The following ACACA variants were observed in gnomAD, a reference collection of about 807,000 sequenced individuals.
ACACA encodes acetyl-CoA carboxylase 1.
Under a neutral mutation model 296.1 loss-of-function variants are expected in ACACA, and 103 were observed. The ratio of observed to expected loss-of-function variants is 0.35; its 90% CI spans 0.30 to 0.41. ACACA has a LOEUF of 0.41. ACACA is among the 10% of genes least tolerant of loss of function. The pLI is 1.00. For synonymous variants in ACACA, 953 were observed against 1,038.6 expected (o/e 0.92, Z 1.58); for missense variants, 1,554 against 2,989.7 (o/e 0.52, Z 11.20).
chr17:37,092,581 AC>A (rs1464358339), intron 54 of ACACA, among the ~76,000 whole-genome samples: 1 of 152,232 alleles, frequency 6.6e-6, no homozygotes, highest in African/African-American at 2.4e-5. Context: ...CATCTAAATG[AC>A]CTGTTTGGAA....
At chr17:37,159,179 T>TA (rs922621989) in intron 42 of ACACA, among the ~76,000 whole-genome samples, 187 of 147,064 alleles carry the variant, frequency 1.3e-3, no homozygotes, top group South Asian at 7.3e-3. Context: ...CCCTGTCTCT[T>TA]AAAAAAAAAA....
rs1167945419 is a variant in ACACA, at chr17:37,390,303, AT to A, written c.38+15958del. Among the ~76,000 whole-genome samples, 6 of 19,940 alleles carry A rather than the reference AT, an allele frequency of 3.0e-4. 1 individual carries two copies. Among genetic ancestry groups the A allele is most frequent in the Non-Finnish European group, 3.9e-4 (5 of 12,872 alleles). The allele number at this position is 19,940 out of a possible 152,430, so 13.1% of individuals were successfully genotyped here. A position where few individuals can be genotyped will look rare whatever the true frequency, so the allele number is the denominator to read the frequency against. On this transcript the variant is annotated intron_variant, in intron 1 of 55. Transcript: ENST00000616317. Reference sequence around the variant, plus strand: ...TATATATAATTATATATTATACATAATTATATATATATATATATATATATAT... The same window carrying A: ...TATATATAATTATATATTATACATAATATATATATATATATATATATATAT...
At chr17:37,199,260 A>G (rs1161180918) in intron 35 of ACACA, among the ~76,000 whole-genome samples, 1 of 151,732 alleles carries the variant, frequency 6.6e-6, no homozygotes, top group African/African-American at 2.4e-5. Flanking sequence ...AAAAGAAAGA[A>G]AAGAAAAAAA....
At chr17:37,104,944 GAAA>G (rs66518229) in intron 52 of ACACA, among the ~76,000 whole-genome samples, 45 of 56,638 alleles carry the variant, frequency 7.9e-4, no homozygotes, top group Admixed American at 4.7e-4. Context: ...GTCTCTGACC[GAAA>G]AAAAAAAAAA....
At position 37,203,387 on chromosome 17, in the gene ACACA, C is replaced by T. The variant is rs180988071; in HGVS notation, c.4056+2378G>A. ...ACATGGGCAATTAGTGCCTCAAAAC[C>T]TAGGAAGAAACTTTCACAGATTATT... On this transcript the variant is annotated intron_variant, in intron 33 of 55. Coordinates refer to ENST00000616317, the MANE Select transcript of ACACA (RefSeq NM_198834.3). Among the ~76,000 whole-genome samples, 478 of 152,148 alleles carry T rather than the reference C, an allele frequency of 3.1e-3. 7 individuals are homozygous for T. Among genetic ancestry groups the T allele is most frequent in the Non-Finnish European group, 4.1e-3 (282 of 67,966 alleles).
chr17:37,123,093 T>C (rs2074604593), intron 48 of ACACA, among the ~76,000 whole-genome samples: 1 of 152,226 alleles, frequency 6.6e-6, no homozygotes, highest in African/African-American at 2.4e-5. Flanking sequence ...TGTAGTTTTC[T>C]ATGGAATATT....
chr17:37,200,260 T>C, intron 34 of ACACA, 77 bp from the exon 35 acceptor site: 6 of 1,407,312 alleles, frequency 4.3e-6, no homozygotes, highest in Non-Finnish European at 6.0e-6. Flanking sequence ...AGAAATTGAG[T>C]AAAAGATGAT....
intron 29 of ACACA, among the ~76,000 whole-genome samples, chr17:37,212,492 T>C (rs1347926025): frequency 6.6e-6 from 1 of 152,142 alleles, no homozygotes. Flanking sequence ...AAATCAATCA[T>C]GTAAGTAGGT....
At chr17:37,355,889 C>T (rs2049118569) in intron 1 of ACACA, among the ~76,000 whole-genome samples, 1 of 151,480 alleles carries the variant, frequency 6.6e-6, no homozygotes. Context: ...AAAATGGAGG[C>T]CAGATGCGGT....
At chr17:37,268,149 A>G (rs984162761) in intron 10 of ACACA, among the ~76,000 whole-genome samples, 1 of 152,154 alleles carries the variant, frequency 6.6e-6, no homozygotes, top group Non-Finnish European at 1.5e-5. Flanking sequence ...TAATCTCATT[A>G]TATAAACCCT....
At chr17:37,090,981 T>C (rs2072587095) in intron 54 of ACACA, among the ~76,000 whole-genome samples, 2 of 152,136 alleles carry the variant, frequency 1.3e-5, no homozygotes, top group African/African-American at 2.4e-5. Flanking sequence ...GCCTTTAGTT[T>C]AGGAGAATAT....
chr17:37,274,204 C>T lies in ACACA; in HGVS notation c.997G>A (p.Asp333Asn). 3 of 1,613,446 alleles carry T rather than the reference C, an allele frequency of 1.9e-6. No homozygotes were observed. The highest frequency in any genetic ancestry group is 2.5e-6 in the Non-Finnish European group (3 of 1,179,326). ...AGTTAGTAACCTACCTGTAGCCCAT[C>T]ATCCACATCTTTCACATAACCTTTT... ...YEKGYVKDVDDGLQAAEEVGY... is the reference protein window; with the variant it reads ...YEKGYVKDVDNGLQAAEEVGY... Residue 333 changes from aspartate (D) to asparagine (N), a missense_variant, in exon 9 of 56, where the codon GAT (aspartate) becomes AAT (asparagine). Around this residue, in one of 16 missense-constraint regions of ACACA, gnomAD observed 82 missense variants for 185.2 expected, o/e 0.44. Transcript: ENST00000616317.
At chr17:37,229,672 C>A (rs1567850058) in intron 25 of ACACA, among the ~76,000 whole-genome samples, 1 of 151,944 alleles carries the variant, frequency 6.6e-6, no homozygotes, top group Non-Finnish European at 1.5e-5. Context: ...TTTTTAAAAA[C>A]CACTTTTTTA....
At chr17:37,166,040 C>T (rs568045541) in intron 41 of ACACA, among the ~76,000 whole-genome samples, 24 of 152,250 alleles carry the variant, frequency 1.6e-4, no homozygotes, top group African/African-American at 3.9e-4. Flanking sequence ...CCATCTTGAA[C>T]GATTATAGCA....
rs749172593 is a variant in ACACA at position 37,188,270 on chromosome 17, A to C, written c.4776+7T>G. On this transcript the variant is annotated splice_region_variant and intron_variant, in intron 39 of 55. Transcript: ENST00000616317. The stretch of plus-strand genomic sequence containing the variant: ...AAAACTCTGAGGAGCCTGTTTGAGT[A>C]TTGTACCTGTGCTGTCCTGGAGTCA... 9 of 1,613,296 alleles carry C rather than the reference A, an allele frequency of 5.6e-6. No homozygotes were observed. The highest frequency in any genetic ancestry group is 7.6e-6 in the Non-Finnish European group (9 of 1,179,596).
chr17:37,337,826 A>G (rs965703727), intron 2 of ACACA, among the ~76,000 whole-genome samples: 2 of 149,298 alleles, frequency 1.3e-5, no homozygotes, highest in African/African-American at 2.4e-5. Flanking sequence ...AGCTGGGCGC[A>G]GTGGCTCACG....
chr17:37,236,533 A>C (rs564523767), intron 24 of ACACA, among the ~76,000 whole-genome samples: 1 of 152,102 alleles, frequency 6.6e-6, no homozygotes, highest in South Asian at 2.1e-4. Context: ...TTTTTTAAAA[A>C]CACTTAATTG....
At chr17:37,117,873 T>C (rs2074333970) in intron 50 of ACACA, among the ~76,000 whole-genome samples, 1 of 152,052 alleles carries the variant, frequency 6.6e-6, no homozygotes, top group South Asian at 2.1e-4. Context: ...ACACACAATT[T>C]TGGAGTCATT....
chr17:37,263,866 A>G lies in ACACA; in HGVS notation c.1148T>C (p.Ile383Thr), dbSNP rs1226928248. 5 of 1,614,040 alleles carry G rather than the reference A, an allele frequency of 3.1e-6. No homozygotes were observed. Among genetic ancestry groups the G allele is most frequent in the Non-Finnish European group, 4.2e-6 (5 of 1,179,978 alleles). ...QVQAEVPGSP[I>T]FVMRLAKQSR... Reference sequence around the variant, plus strand: ...TTGTTTGGCTAGTCTCATCACAAATATGGGAGATCCAGGAACTTCAGCTTG... The same window carrying G: ...TTGTTTGGCTAGTCTCATCACAAATGTGGGAGATCCAGGAACTTCAGCTTG... The change falls in exon 11 of 56, where the codon ATA (isoleucine) becomes ACA (threonine). Residue 383 changes from isoleucine (I) to threonine (T), a missense_variant. By Grantham distance (89) the Ile-to-Thr change is moderately conservative. Transcript: ENST00000616317.
Sources: gnomAD v4.1 joint callset for allele counts (sites outside exome capture counted in the v4.1 genomes callset) on GRCh38, gnomAD v4.1.1 for gene constraint, gnomAD v4.1.1 regional missense constraint, MANE v1.5 for transcripts, NCBI Gene and HGNC (gene_info 2026-07-23, HGNC 2026-07-21) for gene names.